AEBP2: variants seen among roughly 807,000 people sequenced by gnomAD.
AEBP2 encodes zinc finger protein AEBP2.
Under a neutral mutation model 50.8 loss-of-function variants are expected in AEBP2, and 10 were observed. That is an observed-to-expected ratio of 0.20 (90% confidence interval 0.12 to 0.33). The LOEUF is 0.33. AEBP2 is among the 10% of genes least tolerant of loss of function. The pLI is 1.00. For synonymous variants in AEBP2, 296 were observed against 261.3 expected, an observed-to-expected ratio of 1.13 and a Z score of -1.28; for missense variants, 570 against 688.0, an observed-to-expected ratio of 0.83 and a Z score of 1.92.
chr12:19,415,134 A>G lies in AEBP2; in HGVS notation c.-17+10918A>G, dbSNP rs1352489216. ...AGACAGTCCTGGACAACGTGGCGAA[A>G]CCCCATCTCTACTAAAAAAAAATAC... On this transcript the variant is annotated intron_variant, in intron 1 of 3. Transcript: ENST00000538425. Among the ~76,000 whole-genome samples the G allele has an allele frequency of 3.4e-5, 5 of 146,850 alleles. No homozygotes were observed. The South Asian group carries it at 1.1e-3, about 32-fold the overall frequency.
intron 4 of AEBP2, among the ~76,000 whole-genome samples, chr12:19,499,240 C>T (rs377150939): frequency 2.0e-5 from 3 of 152,116 alleles, no homozygotes; most frequent in African/African-American, 7.2e-5. Flanking sequence ...GTGGACTGAT[C>T]GGCGTCCAAA....
chr12:19,410,441 G>C (rs986553193), intron 1 of AEBP2, among the ~76,000 whole-genome samples: 10 of 152,072 alleles, frequency 6.6e-5, no homozygotes, highest in Non-Finnish European at 1.3e-4. Flanking sequence ...CTGCCAAATG[G>C]TGTAGATGGA....
intron 5 of AEBP2, among the ~76,000 whole-genome samples, chr12:19,505,397 G>A (rs117268150): frequency 0.021 from 3,221 of 152,296 alleles, 41 homozygotes; most frequent in East Asian, 0.043. Context: ...TAATGACATA[G>A]CAGTGAACAA....
chr12:19,497,806 T>TA (rs1451869057), intron 4 of AEBP2, among the ~76,000 whole-genome samples: 2 of 152,114 alleles, frequency 1.3e-5, no homozygotes, highest in Non-Finnish European at 2.9e-5. Context: ...TCTTATTAGT[T>TA]AAAAAAATAC....
chr12:19,440,008 CGAGGAGGAGGAAGAT>C lies in AEBP2; in HGVS notation c.313_327del (p.Glu105_Glu109del), dbSNP rs1565702440. On this transcript the variant is annotated inframe_deletion, in exon 1 of 8. Transcript: ENST00000266508. ...AGGACGAAGACGAGGAGGAGGACGA[CGAGGAGGAGGAAGAT>C]GAGAGCAGCAGCAGCGGCGGGGGTG... 4.6e-6 allele frequency: 7 copies of C among 1,520,032 alleles called. No individual in the cohort carries two copies. The East Asian group carries it at 7.9e-5, about 17-fold the overall frequency. 94.2% of individuals were successfully genotyped at this position (1,520,032 alleles called of 1,614,324 possible).
intron 6 of AEBP2, 44 bp from the exon 7 acceptor site, chr12:19,514,627 A>G (rs1222347032): frequency 6.9e-7 from 1 of 1,439,152 alleles, no homozygotes; most frequent in Non-Finnish European, 9.5e-7. Context: ...GTGTAAATCT[A>G]AAATTAATGT....
chr12:19,448,127 C>G (rs1948105300), intron 1 of AEBP2, among the ~76,000 whole-genome samples: 1 of 152,060 alleles, frequency 6.6e-6, no homozygotes, highest in Admixed American at 6.6e-5. Flanking sequence ...GACTGGTTTT[C>G]AACTCTTGGG....
chr12:19,459,399 T>A (rs1948331230), intron 1 of AEBP2, among the ~76,000 whole-genome samples: 2 of 152,008 alleles, frequency 1.3e-5, no homozygotes, highest in Admixed American at 1.3e-4. Flanking sequence ...GCCTGGCTAA[T>A]TTTTTGTGTT....
intron 1 of AEBP2, among the ~76,000 whole-genome samples, chr12:19,448,675 T>C (rs909889443): frequency 6.6e-6 from 1 of 152,144 alleles, no homozygotes; most frequent in Non-Finnish European, 1.5e-5. Context: ...GAGAACAGTT[T>C]TTTTTTGTTT....
intron 3 of AEBP2, among the ~76,000 whole-genome samples, chr12:19,479,717 G>GTTTCTT (rs1948698002): frequency 4.5e-5 from 1 of 22,314 alleles, no homozygotes; most frequent in Admixed American, 5.9e-4. Context: ...CTCTTTGTGG[G>GTTTCTT]TTTTTTTTTT....
intron 2 of AEBP2, 47 bp from the exon 3 acceptor site, chr12:19,473,201 C>A (rs1201028731): frequency 1.1e-6 from 1 of 933,270 alleles, no homozygotes; most frequent in African/African-American, 1.8e-5. Context: ...TCAAACTCTT[C>A]TTGAGATAAG....
At chr12:19,442,280 C>G (rs187408684) in intron 1 of AEBP2, among the ~76,000 whole-genome samples, 10 of 152,106 alleles carry the variant, frequency 6.6e-5, no homozygotes, top group African/African-American at 2.4e-4. Flanking sequence ...TGGTGGCGCG[C>G]GCCTGTGTTC....
intron 2 of AEBP2, among the ~76,000 whole-genome samples, chr12:19,464,786 C>T (rs1343870332): frequency 6.6e-6 from 1 of 151,488 alleles, no homozygotes; most frequent in Non-Finnish European, 1.5e-5. Flanking sequence ...GATGGGGTTT[C>T]ACCATGTTGG....
intron 1 of AEBP2, among the ~76,000 whole-genome samples, chr12:19,461,891 TA>T (rs1188760553): frequency 1.3e-5 from 2 of 152,114 alleles, no homozygotes; most frequent in African/African-American, 4.8e-5. Context: ...AGAGATGAGT[TA>T]AAAAAATAAA....
At position 19,509,057 on chromosome 12, in the gene AEBP2, A is replaced by T. The variant is rs1011162840; in HGVS notation, c.1300-3341A>T. The T allele has an allele frequency of 6.7e-6, 4 of 596,214 alleles. No individual in the cohort carries two copies. The African/African-American group carries it at 7.4e-5, about 11-fold the overall frequency. 36.9% of individuals were successfully genotyped at this position (596,214 alleles called of 1,614,324 possible). ...ATCTGCATGTGGCATGTGCCCAGGC[A>T]GACATGGAGGGGTTCGTGCTGTGAG... On this transcript the variant is annotated intron_variant, in intron 5 of 7. Transcript: ENST00000266508.
At chr12:19,453,236 T>C (rs1207343903) in intron 1 of AEBP2, among the ~76,000 whole-genome samples, 5 of 152,132 alleles carry the variant, frequency 3.3e-5, no homozygotes, top group African/African-American at 9.7e-5. Flanking sequence ...CCCAAAGTGC[T>C]GGGATTACAG....
intron 3 of AEBP2, among the ~76,000 whole-genome samples, chr12:19,492,700 TGTG>T (rs1377037796): frequency 1.3e-5 from 2 of 152,270 alleles, no homozygotes; most frequent in Admixed American, 6.5e-5. Context: ...ACAAGGCAGG[TGTG>T]GTGGTGCACA....
chr12:19,431,631 G>T (rs915534455), intron 1 of AEBP2, among the ~76,000 whole-genome samples: 1 of 152,064 alleles, frequency 6.6e-6, no homozygotes, highest in African/African-American at 2.4e-5. Context: ...TTTCAAAATG[G>T]CTATACTGAT....
rs147011054 is a variant in AEBP2 at position 19,421,721 on chromosome 12, T to C, written c.-17+17505T>C. On this transcript the variant is annotated intron_variant, in intron 1 of 3. Coordinates refer to the AEBP2 transcript ENST00000538425. ...AGCAGGGGGGCCTGGAGGCCCCTGA[T>C]GTGCATGTTGTTGTTCCTGTAGTTA... Among the ~76,000 whole-genome samples, 82 of 152,368 alleles carry C rather than the reference T, an allele frequency of 5.4e-4. No individual in the cohort carries two copies. In the East Asian group the frequency reaches 0.015, roughly 27 times the overall value.
Sources: gnomAD v4.1 joint callset for allele counts (sites outside exome capture counted in the v4.1 genomes callset) on GRCh38, gnomAD v4.1.1 for gene constraint, MANE v1.5 for transcripts, NCBI Gene and HGNC (gene_info 2026-07-23, HGNC 2026-07-21) for gene names.